Variants in LRRIQ1 observed in about 807,000 individuals in gnomAD.
LRRIQ1 encodes leucine rich repeats and IQ motif containing 1, also known as leucine-rich repeat- and IQ domain-containing protein 1.
Under a neutral mutation model 211.9 loss-of-function variants are expected in LRRIQ1, and 210 were observed. That is an observed-to-expected ratio of 0.99 (90% CI 0.89 to 1.11). The LOEUF is 1.11. Among genes scored for constraint, LRRIQ1 ranks in the 50% most tolerant of loss-of-function variants. LRRIQ1 has a pLI of 0.00. For missense variants in LRRIQ1, 2,136 were observed against 1,939.5 expected (o/e 1.10, Z -1.90); for synonymous variants, 699 against 650.1 (o/e 1.08, Z -1.14).
intron 24 of LRRIQ1, among the ~76,000 whole-genome samples, chr12:85,166,021 T>C (rs922544322): frequency 2.0e-5 from 3 of 151,876 alleles, no homozygotes; most frequent in Admixed American, 6.6e-5. Flanking sequence ...CTCCCACATT[T>C]TGAATCACAT....
intron 19 of LRRIQ1, among the ~76,000 whole-genome samples, chr12:85,141,849 G>T (rs1889566081): frequency 6.6e-6 from 1 of 150,570 alleles, no homozygotes; most frequent in Non-Finnish European, 1.5e-5. Flanking sequence ...ACCCTCTTTT[G>T]CATTTATCAA....
chr12:85,229,186 C>G (rs1325097568), intron 24 of LRRIQ1, among the ~76,000 whole-genome samples: 1 of 152,072 alleles, frequency 6.6e-6, no homozygotes, highest in Non-Finnish European at 1.5e-5. Context: ...AGATAGGGAA[C>G]AGATGTTTTT....
intron 19 of LRRIQ1, among the ~76,000 whole-genome samples, chr12:85,146,360 G>T (rs1028128899): frequency 1.1e-4 from 16 of 151,782 alleles, no homozygotes; most frequent in African/African-American, 3.6e-4. Context: ...CACAAGGGAA[G>T]TACAACATCT....
intron 11 of LRRIQ1, among the ~76,000 whole-genome samples, chr12:85,082,856 C>A (rs1884441302): frequency 6.6e-6 from 1 of 151,940 alleles, no homozygotes; most frequent in Non-Finnish European, 1.5e-5. Flanking sequence ...TGTGATTATT[C>A]TTAGATTTGG....
chr12:85,123,035 T>C (rs1888099475), intron 16 of LRRIQ1, among the ~76,000 whole-genome samples: 1 of 152,030 alleles, frequency 6.6e-6, no homozygotes, highest in African/African-American at 2.4e-5. Flanking sequence ...TTTTATATGT[T>C]GAATGCATAA....
intron 24 of LRRIQ1, among the ~76,000 whole-genome samples, chr12:85,222,433 G>A (rs1565912905): frequency 6.6e-6 from 1 of 152,088 alleles, no homozygotes; most frequent in Non-Finnish European, 1.5e-5. Flanking sequence ...TGAATCCAGG[G>A]AAAACAAGCC....
chr12:85,145,504 T>C (rs1020757836), intron 19 of LRRIQ1, among the ~76,000 whole-genome samples: 1 of 151,634 alleles, frequency 6.6e-6, no homozygotes, highest in African/African-American at 2.4e-5. Context: ...GATTTTATCC[T>C]ACATGAACTC....
chr12:85,232,880 AT>A, intron 26 of LRRIQ1, 124 bp downstream of exon 26: 1 of 650,962 alleles, frequency 1.5e-6, no homozygotes, highest in African/African-American at 1.9e-5. Context: ...TTGGGATAAT[AT>A]CAAAATATCA....
rs71076115 is a variant in LRRIQ1, at chr12:85,174,701, C to CAAAA, written c.4822+14006_4822+14009dup. Reference sequence around the variant, plus strand: ...TGGGTGACAGAGCAAGAGTACAGCTCAAAAAAAAAAAAAAAAAAAAAATCT... The same window carrying CAAAA: ...TGGGTGACAGAGCAAGAGTACAGCTCAAAAAAAAAAAAAAAAAAAAAAAAAATCT... On this transcript the variant is annotated intron_variant, in intron 24 of 26. Transcript: ENST00000393217. Among the ~76,000 whole-genome samples the CAAAA allele has an allele frequency of 0.019, 415 of 21,566 alleles. 51 individuals carry two copies. In the East Asian group the frequency reaches 0.27, roughly 14 times the overall value. The allele number at this position is 21,566 out of a possible 152,430, so 14.1% of individuals were successfully genotyped here.
chr12:85,038,396 A>G, intron 2 of LRRIQ1, 88 bp downstream of exon 2: 1 of 949,288 alleles, frequency 1.1e-6, no homozygotes. Context: ...TGTACTTCTC[A>G]TTTTTAGCAG....
At chr12:85,198,167 A>G (rs1341815219) in intron 24 of LRRIQ1, among the ~76,000 whole-genome samples, 2 of 127,572 alleles carry the variant, frequency 1.6e-5, no homozygotes, top group African/African-American at 6.3e-5. Context: ...TATATGTTAT[A>G]TTTATATTTA....
chr12:85,070,799 C>T (rs1195902182), intron 10 of LRRIQ1, among the ~76,000 whole-genome samples: 1 of 151,782 alleles, frequency 6.6e-6, no homozygotes, highest in African/African-American at 2.4e-5. Context: ...TGGTTTATGG[C>T]AACATTAATA....
At position 85,056,245 on chromosome 12, in the gene LRRIQ1, T is replaced by G. The variant is rs200961427; in HGVS notation, c.1452T>G (p.Asn484Lys). ...CAGATTTTAAAATGGAAGAAAAAAA[T>G]GAAAACCTAGCAAAAAAACGATGTT... ...ILADFKMEEK[N>K]ENLAKKRCSE... Residue 484 changes from asparagine to lysine, a missense_variant, in exon 8 of 27, where the codon AAT becomes AAG. Transcript: ENST00000393217. 9 of 1,570,646 alleles carry G rather than the reference T, an allele frequency of 5.7e-6. No individual in the cohort carries two copies. The highest frequency in any genetic ancestry group is 7.7e-6 in the Non-Finnish European group (9 of 1,168,154).
chr12:85,114,323 G>A (rs1887413432), intron 15 of LRRIQ1, among the ~76,000 whole-genome samples: 1 of 152,056 alleles, frequency 6.6e-6, no homozygotes, highest in Admixed American at 6.6e-5. Flanking sequence ...ATGATTCAGA[G>A]CACGTCCTTT....
In LRRIQ1 at chr12:85,055,614, AAG is replaced by A. The variant is rs776093022; in HGVS notation, c.823_824del (p.Glu275LysfsTer10). The A allele has an allele frequency of 1.9e-6, 3 of 1,573,024 alleles. No individual in the cohort carries two copies. The highest frequency in any genetic ancestry group is 4.2e-5 in the Admixed American group (2 of 47,944). On this transcript the variant is annotated frameshift_variant, in exon 8 of 27. Coordinates refer to ENST00000393217, the MANE Select transcript of LRRIQ1 (RefSeq NM_001079910.2). LOFTEE classifies it high-confidence loss of function. ...ACAAGATTTAAAGACCAACAAGAAA[AAG>A]AAAAAAATTCTTTGTTAAAACAGCA...
chr12:85,057,255 C>A lies in LRRIQ1; in HGVS notation c.2391+71C>A, dbSNP rs926660437. On this transcript the variant is annotated intron_variant, in intron 8 of 26. Transcript: ENST00000393217. ...CTCTTTAAAGTATAACTTTTCAGAT[C>A]TTAGAAAAAGAAATATTTTGTATAC... 6 of 1,091,056 alleles carry A rather than the reference C, an allele frequency of 5.5e-6. No individual in the cohort carries two copies. In the African/African-American group the frequency reaches 6.7e-5, roughly 12 times the overall value. The allele number at this position is 1,091,056 out of a possible 1,614,324, so 67.6% of individuals were successfully genotyped here. A position where few individuals can be genotyped will look rare whatever the true frequency, so the allele number is the denominator to read the frequency against.
intron 15 of LRRIQ1, among the ~76,000 whole-genome samples, chr12:85,121,050 C>T (rs1887945705): frequency 6.6e-6 from 1 of 152,082 alleles, no homozygotes; most frequent in Non-Finnish European, 1.5e-5. Flanking sequence ...TCACTGCAAC[C>T]TCCACCTCCC....
chr12:85,161,665 A>T (rs1272036136), intron 24 of LRRIQ1, among the ~76,000 whole-genome samples: 4 of 152,150 alleles, frequency 2.6e-5, no homozygotes, highest in African/African-American at 9.7e-5. Context: ...AAGTTTGTTA[A>T]CCACCAAATT....
downstream of LRRIQ1, among the ~76,000 whole-genome samples, chr12:85,249,378 A>G (rs576556961): frequency 6.6e-5 from 10 of 151,966 alleles, no homozygotes; most frequent in Middle Eastern, 3.4e-3. Flanking sequence ...GTATACATGT[A>G]TATGAATATC....
Sources: allele counts gnomAD v4.1 joint callset (sites outside exome capture counted in the v4.1 genomes callset), GRCh38; gene constraint gnomAD v4.1.1; transcripts MANE v1.5; gene names NCBI Gene and HGNC (gene_info 2026-07-23, HGNC 2026-07-21).